TSHZ3: variants seen among roughly 807,000 people sequenced by gnomAD.
TSHZ3 encodes the protein teashirt homolog 3.
A neutral mutation model predicts 64.5 loss-of-function variants in TSHZ3; 10 were observed. The ratio of observed to expected loss-of-function variants is 0.16; its 90% CI spans 0.10 to 0.26. The LOEUF is 0.26. Among genes scored for constraint, TSHZ3 ranks in the 10% least tolerant of loss-of-function variants. The pLI is 1.00. For missense variants in TSHZ3, 1,242 were observed against 1,421.7 expected, an observed-to-expected ratio of 0.87 and a Z score of 2.03; for synonymous variants, 608 against 593.1, an observed-to-expected ratio of 1.03 and a Z score of -0.36.
intron 1 of TSHZ3, among the ~76,000 whole-genome samples, chr19:31,251,661 C>T (rs1263206967): frequency 1.3e-5 from 2 of 152,220 alleles, no homozygotes; most frequent in African/African-American, 4.8e-5. Context: ...TGCATCTGTC[C>T]AGTGGGCACT....
chr19:31,298,663 T>C (rs1251607221), intron 1 of TSHZ3, among the ~76,000 whole-genome samples: 1 of 152,004 alleles, frequency 6.6e-6, no homozygotes, highest in Non-Finnish European at 1.5e-5. Flanking sequence ...GCTGCCCAGC[T>C]ATAAACCAGC....
chr19:31,205,206 G>T (rs1358815101), intron 4 of TSHZ3, among the ~76,000 whole-genome samples: 1 of 152,090 alleles, frequency 6.6e-6, no homozygotes, highest in Non-Finnish European at 1.5e-5. Flanking sequence ...CAGGTTTGGG[G>T]CCAAGTGCCT....
At chr19:31,230,312 T>TA (rs1170545262) in intron 3 of TSHZ3, among the ~76,000 whole-genome samples, 1 of 152,120 alleles carries the variant, frequency 6.6e-6, no homozygotes, top group Non-Finnish European at 1.5e-5. Flanking sequence ...TTTTTGTTTT[T>TA]AAAAAATGTA....
intron 1 of TSHZ3, among the ~76,000 whole-genome samples, chr19:31,269,518 C>T (rs989059146): frequency 1.8e-4 from 27 of 151,834 alleles, no homozygotes; most frequent in African/African-American, 5.6e-4. Flanking sequence ...GGTATGGCCA[C>T]GGACAAGAGA....
In TSHZ3 at chr19:31,275,894, A is replaced by AGAAAAAGG. The variant is rs781551567; in HGVS notation, c.*645_*652dup. The AGAAAAAGG allele has an allele frequency of 3.6e-3, 553 of 152,786 alleles. 8 individuals carry two copies. Among genetic ancestry groups the AGAAAAAGG allele is most frequent in the Non-Finnish European group, 2.0e-3 (133 of 68,032 alleles). The allele number at this position is 152,786 out of a possible 1,614,324, so 9.5% of individuals were successfully genotyped here. On this transcript the variant is annotated 3_prime_UTR_variant, in exon 2 of 2. Transcript: ENST00000240587. ...ATAAAACACTGTTGCTATAAATGCA[A>AGAAAAAGG]GAAAAAGGTCATTTAACCACAATCA...
chr19:31,340,653 G>A (rs1917406425), intron 1 of TSHZ3, among the ~76,000 whole-genome samples: 1 of 152,174 alleles, frequency 6.6e-6, no homozygotes, highest in Admixed American at 6.5e-5. Flanking sequence ...TGGGGCCTAT[G>A]GAGTTCTCAG....
intron 1 of TSHZ3, among the ~76,000 whole-genome samples, chr19:31,254,604 A>G (rs1283317590): frequency 6.6e-6 from 1 of 152,222 alleles, no homozygotes. Flanking sequence ...ATACCGTTCA[A>G]TGCGGCGGGT....
chr19:31,203,767 C>A (rs1975121557), intron 5 of TSHZ3, among the ~76,000 whole-genome samples: 3 of 152,006 alleles, frequency 2.0e-5, no homozygotes, highest in Admixed American at 1.3e-4. Context: ...CCCTTCCTTC[C>A]TTCTTTCCTT....
chr19:31,187,738 C>T (rs996978325), intron 5 of TSHZ3, among the ~76,000 whole-genome samples: 1 of 152,040 alleles, frequency 6.6e-6, no homozygotes, highest in African/African-American at 2.4e-5. Context: ...TGCCAAAAAT[C>T]AGTTGTGTGA....
chr19:31,245,282 A>T (rs1050652397), intron 1 of TSHZ3, among the ~76,000 whole-genome samples: 1 of 152,128 alleles, frequency 6.6e-6, no homozygotes, highest in Admixed American at 6.5e-5. Context: ...AATGGGAAAA[A>T]CTTGTCTCAC....
At chr19:31,151,945 C>G (rs1974245246) in intron 6 of TSHZ3, among the ~76,000 whole-genome samples, 1 of 152,050 alleles carries the variant, frequency 6.6e-6, no homozygotes, top group South Asian at 2.1e-4. Flanking sequence ...TAATTATTCA[C>G]ACACACACAA....
At chr19:31,267,605 C>G (rs1976071478) in intron 1 of TSHZ3, among the ~76,000 whole-genome samples, 1 of 152,044 alleles carries the variant, frequency 6.6e-6, no homozygotes, top group Admixed American at 6.5e-5. Context: ...TGGTGGGTGC[C>G]TCATGTCTCT....
intron 1 of TSHZ3, among the ~76,000 whole-genome samples, chr19:31,284,561 G>T (rs935389393): frequency 6.6e-6 from 1 of 152,118 alleles, no homozygotes; most frequent in African/African-American, 2.4e-5. Context: ...GATGCACCAA[G>T]ATCTCTCATT....
At chr19:31,242,001 T>A (rs773076599) in intron 3 of TSHZ3, among the ~76,000 whole-genome samples, 1 of 152,196 alleles carries the variant, frequency 6.6e-6, no homozygotes, top group Non-Finnish European at 1.5e-5. Flanking sequence ...AGTAGACAAT[T>A]ATTCAAGGGA....
At chr19:31,215,701 C>T (rs1599587792) in intron 4 of TSHZ3, among the ~76,000 whole-genome samples, 1 of 151,898 alleles carries the variant, frequency 6.6e-6, no homozygotes, top group South Asian at 2.1e-4. Context: ...TGAAACCCTG[C>T]CTCTATTACA....
chr19:31,331,005 G>A (rs565085258), intron 1 of TSHZ3, among the ~76,000 whole-genome samples: 4 of 152,276 alleles, frequency 2.6e-5, no homozygotes, highest in African/African-American at 4.8e-5. Flanking sequence ...TAGCAAAGAC[G>A]GGCTTCCTAA....
intron 1 of TSHZ3, among the ~76,000 whole-genome samples, chr19:31,311,874 C>T (rs1296141916): frequency 6.6e-6 from 1 of 152,144 alleles, no homozygotes; most frequent in African/African-American, 2.4e-5. Flanking sequence ...CAGGTGTGCG[C>T]CACCACGCCT....
Position 31,276,628 on chromosome 19 carries a change from A to G in TSHZ3, c.3165T>C (p.Ala1055=). 1 of 1,610,916 alleles carries G rather than the reference A, an allele frequency of 6.2e-7. No individual in the cohort carries two copies. The highest frequency in any genetic ancestry group is 1.3e-5 in the African/African-American group (1 of 75,012). Residue 1055 remains alanine, a synonymous_variant, in exon 2 of 2, where the codon GCT becomes GCC. Coordinates refer to ENST00000240587, the MANE Select transcript of TSHZ3 (RefSeq NM_020856.4). ...GTGTTTTGCTAAGGTGAAGTTTAAC[A>G]GCGTGCTTGCTGGCAAAGGTCCGAT... ...LCNRTFASKH[A]VKLHLSKTHG...
intron 1 of TSHZ3, among the ~76,000 whole-genome samples, chr19:31,288,197 AG>A (rs1251814685): frequency 1.3e-5 from 2 of 152,192 alleles, no homozygotes; most frequent in Non-Finnish European, 2.9e-5. Flanking sequence ...TGGCTTGGGA[AG>A]GTGGCTGTCA....
Sources: allele counts gnomAD v4.1 joint callset (sites outside exome capture counted in the v4.1 genomes callset), GRCh38; gene constraint gnomAD v4.1.1; transcripts MANE v1.5; gene names NCBI Gene and HGNC (gene_info 2026-07-23, HGNC 2026-07-21).